LIPA: variants seen among roughly 807,000 people sequenced by gnomAD.
LIPA encodes the protein lipase A, lysosomal acid type.
Under a neutral mutation model 40.6 loss-of-function variants are expected in LIPA, and 26 were observed. The observed-to-expected ratio is 0.64, with a 90% CI of 0.47 to 0.89. LIPA has a LOEUF of 0.89. Among genes scored for constraint, LIPA ranks in the 40% least tolerant of loss-of-function variants. The pLI is 0.00. For missense variants in LIPA, 455 were observed against 479.6 expected (o/e 0.95, Z 0.48); for synonymous variants, 188 against 168.4 (o/e 1.12, Z -0.90).
chr10:89,392,472 C>G lies in LIPA; in HGVS notation c.61+20319G>C, dbSNP rs559007015. 6 of 104,528 alleles carry G rather than the reference C, an allele frequency of 5.7e-5. No individual in the cohort carries two copies. In the East Asian group the frequency reaches 1.7e-3, roughly 29 times the overall value. The allele number at this position is 104,528 out of a possible 1,614,324, so 6.5% of individuals were successfully genotyped here. On this transcript the variant is annotated intron_variant, in intron 2 of 8. Transcript: ENST00000371837. ...AATAGAAACAAAGTTTCATTCCCCA[C>G]CCCCCCCCGTCAGCAGGAATTCCGC...
At chr10:89,386,972 T>TGTGA (rs1311834496) in intron 2 of LIPA, among the ~76,000 whole-genome samples, 7 of 99,338 alleles carry the variant, frequency 7.0e-5, no homozygotes, top group African/African-American at 2.8e-4. Flanking sequence ...TGTGTGTGTG[T>TGTGA]GAGAGAGAGA....
intron 2 of LIPA, among the ~76,000 whole-genome samples, chr10:89,389,095 A>C (rs987997296): frequency 6.6e-6 from 1 of 152,254 alleles, no homozygotes; most frequent in Non-Finnish European, 1.5e-5. Context: ...GCTATAGCTA[A>C]AAATATCTTT....
Position 89,402,342 on chromosome 10 carries a change from T to A in LIPA, c.61+10449A>T, listed in dbSNP as rs755019351. 1.4e-5 allele frequency: 22 copies of A among 1,614,184 alleles called. No homozygotes were observed. The highest frequency in any genetic ancestry group is 1.8e-5 in the Non-Finnish European group (21 of 1,180,000). Reference sequence around the variant, plus strand: ...GGAGCAATTGAGATGTCACTTTACATGGGAGTTATCCATTGATGACGATGA... The same window carrying A: ...GGAGCAATTGAGATGTCACTTTACAAGGGAGTTATCCATTGATGACGATGA... On this transcript the variant is annotated intron_variant, in intron 2 of 8. Transcript: ENST00000371837.
chr10:89,374,354 C>T (rs555216675), intron 2 of LIPA, among the ~76,000 whole-genome samples: 8 of 152,280 alleles, frequency 5.3e-5, no homozygotes, highest in Non-Finnish European at 8.8e-5. Context: ...CTCTCTCTCT[C>T]TCTCTCTTAC....
chr10:89,275,589 A>C (rs778638146), intron 1 of LIPA, among the ~76,000 whole-genome samples: 14 of 152,174 alleles, frequency 9.2e-5, no homozygotes, highest in South Asian at 8.3e-4. Flanking sequence ...CCACAATTGC[A>C]TAAGATCAAA....
At chr10:89,332,254 C>A (rs959739069) in intron 1 of LIPA, among the ~76,000 whole-genome samples, 5 of 152,242 alleles carry the variant, frequency 3.3e-5, no homozygotes, top group South Asian at 4.1e-4. Context: ...AGAAAAAAAA[C>A]AGTCACGTTA....
intron 1 of LIPA, among the ~76,000 whole-genome samples, chr10:89,341,726 T>G (rs1310350617): frequency 6.6e-6 from 1 of 152,142 alleles, no homozygotes; most frequent in African/African-American, 2.4e-5. Context: ...ATTTAGAATA[T>G]AGACCCTACA....
intron 3 of LIPA, among the ~76,000 whole-genome samples, chr10:89,230,896 G>A (rs1162064626): frequency 1.3e-5 from 2 of 152,146 alleles, no homozygotes; most frequent in African/African-American, 4.8e-5. Context: ...GAATAAGTGA[G>A]GTAAGTATCC....
intron 2 of LIPA, among the ~76,000 whole-genome samples, chr10:89,382,690 C>T (rs572073765): frequency 2.0e-4 from 30 of 152,326 alleles, no homozygotes; most frequent in African/African-American, 5.1e-4. Context: ...AGTAAGGCTG[C>T]CCTTGTGAGG....
At chr10:89,257,429 C>T (rs58013308) in intron 1 of LIPA, among the ~76,000 whole-genome samples, 1 of 152,188 alleles carries the variant, frequency 6.6e-6, no homozygotes, top group East Asian at 1.9e-4. Flanking sequence ...ATAAGCCAGA[C>T]TGGTGAAATA....
At chr10:89,337,918 G>A (rs962244328) in intron 1 of LIPA, among the ~76,000 whole-genome samples, 1 of 152,106 alleles carries the variant, frequency 6.6e-6, no homozygotes, top group Non-Finnish European at 1.5e-5. Context: ...TTCCATTCTT[G>A]TTTTTCACTT....
At chr10:89,405,672 G>A (rs1296865021) in intron 2 of LIPA, 3 of 152,232 alleles carry the variant, frequency 2.0e-5, no homozygotes, top group Non-Finnish European at 4.4e-5. Flanking sequence ...AAAACCAACA[G>A]TGTAGTAGCC....
chr10:89,360,909 C>T (rs1844018163), intron 2 of LIPA, among the ~76,000 whole-genome samples: 1 of 152,178 alleles, frequency 6.6e-6, no homozygotes, highest in African/African-American at 2.4e-5. Context: ...CTTTGAAACT[C>T]CCCGCAGCAT....
chr10:89,339,348 A>C, intron 1 of LIPA: 1 of 1,613,740 alleles, frequency 6.2e-7, no homozygotes. Context: ...AGTTTGTTGA[A>C]GAAGCCTTGG....
chr10:89,318,162 C>T (rs1183953152), intron 1 of LIPA, among the ~76,000 whole-genome samples: 4 of 152,142 alleles, frequency 2.6e-5, no homozygotes, highest in African/African-American at 2.4e-5. Context: ...CATCAGCTAA[C>T]GAGCAAAATA....
chr10:89,357,688 T>C (rs986829549), intron 2 of LIPA, among the ~76,000 whole-genome samples: 1 of 152,178 alleles, frequency 6.6e-6, no homozygotes, highest in Non-Finnish European at 1.5e-5. Context: ...GACAGGATGA[T>C]GGGAGGAGTG....
At chr10:89,236,652 CTG>C (rs1273508738) in intron 3 of LIPA, among the ~76,000 whole-genome samples, 1 of 151,942 alleles carries the variant, frequency 6.6e-6, no homozygotes, top group Non-Finnish European at 1.5e-5. Flanking sequence ...ATAAAGATGA[CTG>C]TTAAAAAAAA....
chr10:89,396,856 G>T (rs1844351394), intron 2 of LIPA, among the ~76,000 whole-genome samples: 1 of 152,164 alleles, frequency 6.6e-6, no homozygotes, highest in Admixed American at 6.5e-5. Context: ...TCATGTGTTT[G>T]CTAGTCCTTT....
At chr10:89,227,297 A>G (rs1401873880) in intron 4 of LIPA, among the ~76,000 whole-genome samples, 2 of 152,216 alleles carry the variant, frequency 1.3e-5, no homozygotes, top group East Asian at 3.8e-4. Flanking sequence ...ATCTGGCTTA[A>G]TCCATTTTTT....
Sources: allele counts gnomAD v4.1 joint callset (sites outside exome capture counted in the v4.1 genomes callset), GRCh38; gene constraint gnomAD v4.1.1; transcripts MANE v1.5; gene names NCBI Gene and HGNC (gene_info 2026-07-23, HGNC 2026-07-21).